The following HMMR variants were observed in gnomAD, a reference collection of about 807,000 sequenced individuals.
HMMR encodes the protein hyaluronan mediated motility receptor.
A neutral mutation model predicts 101.0 loss-of-function variants in HMMR; 108 were observed. The observed-to-expected ratio is 1.07, with a 90% CI of 0.92 to 1.25. The LOEUF (loss-of-function observed/expected upper bound fraction) is 1.25, where lower values mean the gene tolerates loss of function less well. Ranked by LOEUF, HMMR falls within the 50% of genes most tolerant of loss-of-function variation. The pLI, the probability that HMMR is intolerant of heterozygous loss-of-function variation, is 0.00. For missense variants in HMMR, 813 were observed against 788.7 expected (o/e 1.03, Z -0.37); for synonymous variants, 296 against 276.4 (o/e 1.07, Z -0.70).
chr5:163,491,377 A>G lies in HMMR; in HGVS notation c.*213A>G, dbSNP rs989710059. 9.6e-6 allele frequency: 4 copies of G among 417,424 alleles called. No homozygotes were observed. Among genetic ancestry groups the G allele is most frequent in the Admixed American group, 9.1e-5 (2 of 21,866 alleles). 25.9% of individuals were successfully genotyped at this position (417,424 alleles called of 1,614,324 possible). ...CCCTAATGCTCACCTTTATCACCTC[A>G]TTCTGAACCCTTTCGCTGGCTTTCC... On this transcript the variant is annotated 3_prime_UTR_variant, in exon 18 of 18. Transcript: ENST00000393915.
At chr5:163,487,899 G>A (rs1318435911) in intron 16 of HMMR, among the ~76,000 whole-genome samples, 2 of 151,866 alleles carry the variant, frequency 1.3e-5, no homozygotes, top group Admixed American at 6.6e-5. Flanking sequence ...TCTGTCACCA[G>A]GCTAGAGTGC....
rs553124761 is a variant in HMMR, at chr5:163,481,171, C to G, written c.1386-1471C>G. On this transcript the variant is annotated intron_variant, in intron 12 of 17. Transcript: ENST00000393915. ...GTTTAATTTAATTCATTAAATTGTA[C>G]CTTGTTTCCCCAGTGATCTGTTCCC... Among the ~76,000 whole-genome samples the G allele has an allele frequency of 2.3e-4, 35 of 151,982 alleles. No individual in the cohort carries two copies. In the East Asian group the frequency reaches 6.0e-3, roughly 26 times the overall value.
chr5:163,469,335 GC>G (rs1758796441), intron 4 of HMMR, among the ~76,000 whole-genome samples: 1 of 143,600 alleles, frequency 7.0e-6, no homozygotes, highest in Admixed American at 7.3e-5. Context: ...CTGCACTCCA[GC>G]CTGGGCAACA....
intron 12 of HMMR, among the ~76,000 whole-genome samples, 159 bp from the exon 13 acceptor site, chr5:163,482,483 C>T (rs1306781195): frequency 6.6e-6 from 1 of 152,098 alleles, no homozygotes; most frequent in Non-Finnish European, 1.5e-5. Context: ...CTCATTAGTA[C>T]TTGCCTCAGA....
Position 163,471,177 on chromosome 5 carries a change from G to A in HMMR, c.463-8G>A, listed in dbSNP as rs201351511. 8.5e-6 allele frequency: 13 copies of A among 1,533,586 alleles called. No individual in the cohort carries two copies. The East Asian group carries it at 1.1e-4, about 13-fold the overall frequency. The allele number at this position is 1,533,586 out of a possible 1,614,324, so 95.0% of individuals were successfully genotyped here. On this transcript the variant is annotated splice_polypyrimidine_tract_variant and splice_region_variant and intron_variant, in intron 5 of 17. Coordinates refer to ENST00000393915, the MANE Select transcript of HMMR (RefSeq NM_001142556.2). ...TTTCTGAATTTTTTACGTGTTTGTT[G>A]TATTTAGTTTTCTGAAAATGGTAAC...
chr5:163,473,037 G>A (rs1397497062), intron 7 of HMMR, 142 bp from the exon 8 acceptor site: 1 of 485,434 alleles, frequency 2.1e-6, no homozygotes, highest in Non-Finnish European at 3.8e-6. Flanking sequence ...TTGTGAATTT[G>A]AGAAATTACA....
At chr5:163,469,582 A>G (rs775074374) in intron 4 of HMMR, 59 bp from the exon 5 acceptor site, 7 of 1,386,158 alleles carry the variant, frequency 5.0e-6, no homozygotes, top group Non-Finnish European at 7.0e-6. Flanking sequence ...TATTGGTAGC[A>G]TCTCCTTATG....
chr5:163,462,754 G>A (rs979456519), intron 1 of HMMR, among the ~76,000 whole-genome samples: 55 of 145,032 alleles, frequency 3.8e-4, no homozygotes, highest in African/African-American at 1.4e-3. Context: ...CTTGAACCCA[G>A]GAGGCAAAGG....
intron 5 of HMMR, among the ~76,000 whole-genome samples, 172 bp from the exon 6 acceptor site, chr5:163,471,013 A>G (rs1238493293): frequency 6.6e-6 from 1 of 152,220 alleles, no homozygotes; most frequent in Non-Finnish European, 1.5e-5. Flanking sequence ...AAAGAAAAAA[A>G]AATTAAATCA....
rs778640242 is a variant in HMMR at position 163,469,686 on chromosome 5, C to G, written c.319C>G (p.Gln107Glu). Residue 107 changes from glutamine (Q) to glutamate (E), a missense_variant, in exon 5 of 18, where the codon CAG becomes GAG. Gln to Glu is a conservative substitution (Grantham distance 29, BLOSUM62 2). Coordinates refer to ENST00000393915, the MANE Select transcript of HMMR (RefSeq NM_001142556.2). ...ACGTGGTGCCCAGGACAGGCGGATC[C>G]AGGATCTGGAAACTGAGTTGGAAAA... ...QERGAQDRRI[Q>E]DLETELEKME... The G allele has an allele frequency of 8.7e-6, 14 of 1,613,794 alleles. No homozygotes were observed. In the South Asian group the frequency reaches 1.4e-4, roughly 16 times the overall value.
In HMMR at chr5:163,482,704, A is replaced by G. The variant is rs115405676; in HGVS notation, c.1448A>G (p.Glu483Gly). 5.6e-6 allele frequency: 9 copies of G among 1,612,792 alleles called. No homozygotes were observed. The African/African-American group carries it at 1.1e-4, about 19-fold the overall frequency. ...AAGCTGGAGAACTCATCATTACAGGAAAAAGCGGCCAAGGCTGGGAAAAAT... is the reference window on the plus strand; with the variant it reads ...AAGCTGGAGAACTCATCATTACAGGGAAAAGCGGCCAAGGCTGGGAAAAAT... ...DLKLENSSLQ[E>G]KAAKAGKNAE... Residue 483 changes from glutamate (E) to glycine (G), a missense_variant, in exon 13 of 18, where the codon GAA becomes GGA. Coordinates refer to ENST00000393915, the MANE Select transcript of HMMR (RefSeq NM_001142556.2).
Position 163,491,054 on chromosome 5 carries a change from G to T in HMMR, c.2126-58G>T. 3.2e-6 allele frequency: 3 copies of T among 947,662 alleles called. No individual in the cohort carries two copies. The East Asian group carries it at 8.2e-5, about 26-fold the overall frequency. The allele number at this position is 947,662 out of a possible 1,614,324, so 58.7% of individuals were successfully genotyped here. A position where few individuals can be genotyped will look rare whatever the true frequency, so the allele number is the denominator to read the frequency against. ...ACAAGGCCTGTTTTTAGTTTATAAT[G>T]ATGGATAAATTCGTTTTAATCTAGA... On this transcript the variant is annotated intron_variant, in intron 17 of 17. Coordinates refer to ENST00000393915, the MANE Select transcript of HMMR (RefSeq NM_001142556.2).
Position 163,473,420 on chromosome 5 carries a change from C to T in HMMR, c.767C>T (p.Ala256Val), listed in dbSNP as rs77608747. The stretch of plus-strand genomic sequence containing the variant: ...GTGGAAAAATACAAGCTAGATATTG[C>T]CCAGTTAGAAGAAAATTTGAAAGAG... Reference protein sequence around the residue: ...DQVEKYKLDIAQLEENLKEKN... With the variant: ...DQVEKYKLDIVQLEENLKEKN... The change falls in exon 9 of 18, where the codon GCC becomes GTC. Residue 256 changes from alanine to valine, a missense_variant. Ala to Val is a moderately conservative substitution (Grantham distance 64). Transcript: ENST00000393915. 1,889 of 1,610,380 alleles carry T rather than the reference C, an allele frequency of 1.2e-3. 21 individuals carry two copies. In the African/African-American group the frequency reaches 0.017, roughly 15 times the overall value.
chr5:163,474,283 G>T, intron 10 of HMMR, 78 bp downstream of exon 10: 1 of 1,062,458 alleles, frequency 9.4e-7, no homozygotes, highest in Non-Finnish European at 1.4e-6. Context: ...CCTTTAAATT[G>T]TGTATATCCT....
intron 3 of HMMR, among the ~76,000 whole-genome samples, chr5:163,465,884 C>G (rs1332809965): frequency 6.6e-6 from 1 of 150,882 alleles, no homozygotes; most frequent in Non-Finnish European, 1.5e-5. Flanking sequence ...TTGCTTGAAC[C>G]TGGGAGGCAG....
intron 11 of HMMR, among the ~76,000 whole-genome samples, chr5:163,478,356 G>A (rs1265543738): frequency 6.6e-6 from 1 of 152,148 alleles, no homozygotes; most frequent in Non-Finnish European, 1.5e-5. Flanking sequence ...ATTCAATCCA[G>A]ATGTTTTTTG....
At chr5:163,475,278 G>A (rs966590448) in intron 10 of HMMR, among the ~76,000 whole-genome samples, 180 bp from the exon 11 acceptor site, 4 of 152,158 alleles carry the variant, frequency 2.6e-5, no homozygotes, top group Middle Eastern at 3.4e-3. Context: ...TTGCCACAAT[G>A]TTAACAAGGT....
At position 163,484,160 on chromosome 5, in the gene HMMR, A is replaced by T. The variant is rs768445452; in HGVS notation, c.1877A>T (p.Tyr626Phe). 1.2e-6 allele frequency: 2 copies of T among 1,604,834 alleles called. No homozygotes were observed. The highest frequency in any genetic ancestry group is 1.7e-6 in the Non-Finnish European group (2 of 1,173,240). The part of the protein sequence containing the change: ...QEQLNKIRDS[Y>F]AKLLGHQNLK... ...CAGCTAAATAAAATAAGAGATTCAT[A>T]TGCTAAATTATTGGGTCATCAGAAT... The change falls in exon 16 of 18, where the codon TAT becomes TTT. Residue 626 changes from tyrosine (Y) to phenylalanine (F), a missense_variant. By Grantham distance (22) the Tyr-to-Phe change is conservative. Transcript: ENST00000393915.
chr5:163,483,998 T>A lies in HMMR; in HGVS notation c.1786-71T>A. On this transcript the variant is annotated intron_variant, in intron 15 of 17. Coordinates refer to ENST00000393915, the MANE Select transcript of HMMR (RefSeq NM_001142556.2). ...TTGTGTTTTTAATTTTCTTTAGTGT[T>A]TATGGTTTATATGAAACTAGTAAGA... The A allele has an allele frequency of 3.5e-6, 3 of 863,782 alleles. No homozygotes were observed. The South Asian group carries it at 4.8e-5, about 14-fold the overall frequency. 53.5% of individuals were successfully genotyped at this position (863,782 alleles called of 1,614,324 possible).
Sources: gnomAD v4.1 joint callset for allele counts (sites outside exome capture counted in the v4.1 genomes callset) on GRCh38, gnomAD v4.1.1 for gene constraint, MANE v1.5 for transcripts, NCBI Gene and HGNC (gene_info 2026-07-23, HGNC 2026-07-21) for gene names.